Variants in STON2 observed in about 807,000 individuals in gnomAD.
STON2 encodes stonin-2.
A neutral mutation model predicts 65.7 loss-of-function variants in STON2; 29 were observed. The ratio of observed to expected loss-of-function variants is 0.44; its 90% CI spans 0.33 to 0.60. STON2 has a LOEUF of 0.60. STON2 is among the 20% of genes least tolerant of loss of function. The pLI, the probability that STON2 is intolerant of heterozygous loss-of-function variation, is 0.03. For missense variants in STON2, 1,054 were observed against 1,118.1 expected (o/e 0.94, Z 0.82); for synonymous variants, 404 against 414.2 (o/e 0.98, Z 0.30).
At chr14:81,363,302 A>C (rs988080504) in intron 4 of STON2, among the ~76,000 whole-genome samples, 6 of 152,324 alleles carry the variant, frequency 3.9e-5, no homozygotes, top group African/African-American at 1.2e-4. Context: ...TTACACATAG[A>C]AACAATTTTA....
At chr14:81,363,464 T>C (rs573632648) in intron 4 of STON2, among the ~76,000 whole-genome samples, 108 of 151,884 alleles carry the variant, frequency 7.1e-4, no homozygotes, top group Non-Finnish European at 1.4e-3. Flanking sequence ...TGAGAAACTT[T>C]TGAACCTCCT....
At chr14:81,392,772 G>C (rs1900141519) in intron 3 of STON2, among the ~76,000 whole-genome samples, 1 of 151,738 alleles carries the variant, frequency 6.6e-6, no homozygotes, top group East Asian at 1.9e-4. Context: ...ATCTGTCACA[G>C]AGAATGTTAA....
Position 81,412,856 on chromosome 14 carries a change from T to C in STON2, c.-199+14246A>G, listed in dbSNP as rs1339593446. ...AAACTTTCTGTCAAACATTAAAAGC[T>C]TTCTTCTTAGAGGCGCCACGGCTTC... On this transcript the variant is annotated intron_variant, in intron 2 of 8. Coordinates refer to the STON2 transcript ENST00000553821. 3 of 516,780 alleles carry C rather than the reference T, an allele frequency of 5.8e-6. 1 individual carries two copies. Among genetic ancestry groups the C allele is most frequent in the East Asian group, 4.6e-5 (1 of 21,848 alleles). 32.0% of individuals were successfully genotyped at this position (516,780 alleles called of 1,614,324 possible). A position where few individuals can be genotyped will look rare whatever the true frequency, so the allele number is the denominator to read the frequency against.
At chr14:81,268,995 A>G (rs1045133968) in intron 7 of STON2, among the ~76,000 whole-genome samples, 9 of 152,082 alleles carry the variant, frequency 5.9e-5, no homozygotes, top group Admixed American at 2.0e-4. Flanking sequence ...TACCCCCTCA[A>G]TACTTGTTTT....
chr14:81,330,583 T>G (rs530806233), intron 4 of STON2, among the ~76,000 whole-genome samples: 4 of 152,350 alleles, frequency 2.6e-5, no homozygotes, highest in Admixed American at 2.6e-4. Context: ...ATTGCTCAAT[T>G]GTTCAGCAAG....
intron 5 of STON2, among the ~76,000 whole-genome samples, chr14:81,294,221 G>C (rs1895673903): frequency 6.6e-6 from 1 of 152,180 alleles, no homozygotes; most frequent in Non-Finnish European, 1.5e-5. Context: ...TACTCTCCCT[G>C]ATTCTTTCCA....
chr14:81,361,791 T>C (rs1898503960), intron 4 of STON2, among the ~76,000 whole-genome samples: 1 of 151,948 alleles, frequency 6.6e-6, no homozygotes, highest in African/African-American at 2.4e-5. Flanking sequence ...CAAACAACTC[T>C]ATAGAAAGAA....
At position 81,263,604 on chromosome 14, in the gene STON2, T is replaced by A; in HGVS notation, c.*4810A>T. The A allele has an allele frequency of 3.6e-6, 1 of 279,226 alleles. No homozygotes were observed. Among genetic ancestry groups the A allele is most frequent in the Non-Finnish European group, 5.3e-6 (1 of 187,138 alleles). The allele number at this position is 279,226 out of a possible 1,614,324, so 17.3% of individuals were successfully genotyped here. On this transcript the variant is annotated 3_prime_UTR_variant, in exon 8 of 8. Transcript: ENST00000614646. ...TTTTTGGCCATGTTTTTAAAGCTCA[T>A]CAGCTGTTGTTACTGTATTTTATGT...
intron 5 of STON2, among the ~76,000 whole-genome samples, chr14:81,297,130 G>A (rs79496954): frequency 0.013 from 1,991 of 152,266 alleles, 49 homozygotes; most frequent in African/African-American, 0.046. Context: ...GTAGCTGGAA[G>A]GACGGAAAGA....
chr14:81,353,419 C>T (rs942824584), intron 4 of STON2, among the ~76,000 whole-genome samples: 22 of 152,074 alleles, frequency 1.4e-4, no homozygotes, highest in African/African-American at 5.3e-4. Flanking sequence ...TTCACCACCC[C>T]CAACAAAGAG....
At chr14:81,372,537 A>G (rs1226147681) in intron 3 of STON2, among the ~76,000 whole-genome samples, 1 of 146,558 alleles carries the variant, frequency 6.8e-6, no homozygotes, top group African/African-American at 2.6e-5. Flanking sequence ...ACAACAAGAG[A>G]TAAACCCTAT....
intron 5 of STON2, 142 bp from the exon 6 acceptor site, chr14:81,278,881 T>C: frequency 1.6e-6 from 1 of 614,000 alleles, no homozygotes; most frequent in Non-Finnish European, 2.6e-6. Flanking sequence ...TTTCAAGTGC[T>C]TAGTCTGGGC....
intron 5 of STON2, among the ~76,000 whole-genome samples, chr14:81,315,032 T>C (rs1451177427): frequency 6.6e-6 from 1 of 152,130 alleles, no homozygotes; most frequent in East Asian, 1.9e-4. Flanking sequence ...TTTGCATTCT[T>C]GGTTAGCTTT....
chr14:81,270,431 T>A, intron 7 of STON2: 1 of 1,436,288 alleles, frequency 7.0e-7, no homozygotes, highest in Non-Finnish European at 9.1e-7. Flanking sequence ...AGAAAGACAT[T>A]ATATTCTCCT....
intron 4 of STON2, among the ~76,000 whole-genome samples, chr14:81,326,673 A>G (rs962268480): frequency 2.6e-5 from 4 of 152,222 alleles, no homozygotes; most frequent in African/African-American, 7.2e-5. Flanking sequence ...CCTTAGAATT[A>G]AAAGGTCATT....
At chr14:81,400,199 C>CT (rs773551565) in intron 1 of STON2, among the ~76,000 whole-genome samples, 80 bp downstream of exon 1, 80 of 152,290 alleles carry the variant, frequency 5.3e-4, no homozygotes, top group Non-Finnish European at 1.1e-3. Flanking sequence ...CCAAGTCCCT[C>CT]TCCTAGGATC....
intron 5 of STON2, among the ~76,000 whole-genome samples, chr14:81,304,489 G>A (rs192338642): frequency 7.2e-5 from 11 of 152,256 alleles, no homozygotes; most frequent in Middle Eastern, 3.4e-3. Flanking sequence ...TTGGGAGGCC[G>A]AGGCAGGTGG....
At chr14:81,306,123 GC>G (rs1423723033) in intron 5 of STON2, among the ~76,000 whole-genome samples, 1 of 142,454 alleles carries the variant, frequency 7.0e-6, no homozygotes, top group Non-Finnish European at 1.5e-5. Context: ...TTTTTTAATT[GC>G]AACCAAAGAA....
rs562536423 is a variant in STON2, at chr14:81,325,056, G to A, written c.572-869C>T. On this transcript the variant is annotated intron_variant, in intron 4 of 7. Coordinates refer to ENST00000614646, the MANE Select transcript of STON2 (RefSeq NM_001394390.1). ...GGCCAGCTAGTGAATGGGAGACCCC[G>A]GATTTGGACCCAGGTTTGCCTGAAC... Among the ~76,000 whole-genome samples, 17 of 152,132 alleles carry A rather than the reference G, an allele frequency of 1.1e-4. 1 individual carries two copies. Among genetic ancestry groups the A allele is most frequent in the East Asian group, 5.8e-4 (3 of 5,192 alleles).
Sources: allele counts gnomAD v4.1 joint callset (sites outside exome capture counted in the v4.1 genomes callset), GRCh38; gene constraint gnomAD v4.1.1; transcripts MANE v1.5; gene names NCBI Gene and HGNC (gene_info 2026-07-23, HGNC 2026-07-21).